Variants in XIRP2 observed in about 807,000 individuals in gnomAD.
XIRP2 encodes the protein xin actin binding repeat containing 2.
Under a neutral mutation model 277.0 loss-of-function variants are expected in XIRP2, and 236 were observed. That is an observed-to-expected ratio of 0.85 (90% CI 0.77 to 0.95). The LOEUF (loss-of-function observed/expected upper bound fraction) is 0.95, where lower values mean the gene tolerates loss of function less well. Among genes scored for constraint, XIRP2 ranks in the 40% least tolerant of loss-of-function variants. The pLI, the probability that XIRP2 is intolerant of heterozygous loss-of-function variation, is 0.00. For missense variants in XIRP2, 4,640 were observed against 4,157.5 expected, an observed-to-expected ratio of 1.12 and a Z score of -3.19; for synonymous variants, 1,490 against 1,416.5, an observed-to-expected ratio of 1.05 and a Z score of -1.17.
chr2:167,228,714 A>G (rs1694677051), intron 5 of XIRP2, among the ~76,000 whole-genome samples: 1 of 152,122 alleles, frequency 6.6e-6, no homozygotes. Flanking sequence ...GCACAGATCC[A>G]ATTGCTTTGA....
At chr2:167,209,534 A>T (rs576288127) in intron 3 of XIRP2, among the ~76,000 whole-genome samples, 15 of 152,246 alleles carry the variant, frequency 9.9e-5, no homozygotes, top group South Asian at 2.1e-4. Context: ...AGAAAGTACT[A>T]CAAAGAGCCC....
chr2:167,082,516 G>A (rs1406436040), intron 2 of XIRP2, among the ~76,000 whole-genome samples: 3 of 152,036 alleles, frequency 2.0e-5, no homozygotes, highest in Non-Finnish European at 2.9e-5. Context: ...CTGAGGAATC[G>A]CCACACTGAC....
At chr2:167,115,109 G>T (rs1014583025) in intron 2 of XIRP2, among the ~76,000 whole-genome samples, 4 of 152,154 alleles carry the variant, frequency 2.6e-5, no homozygotes, top group Non-Finnish European at 5.9e-5. Context: ...AGCACCTGTT[G>T]TTTCCTGACT....
At chr2:167,253,858 C>T (rs1003617486) in intron 9 of XIRP2, among the ~76,000 whole-genome samples, 174 bp from the exon 10 acceptor site, 1 of 151,580 alleles carries the variant, frequency 6.6e-6, no homozygotes, top group Non-Finnish European at 1.5e-5. Context: ...CCTAGCAGAC[C>T]GTTAAACCTG....
At chr2:167,002,693 T>A (rs1687403928) in intron 2 of XIRP2, among the ~76,000 whole-genome samples, 1 of 151,978 alleles carries the variant, frequency 6.6e-6, no homozygotes, top group Admixed American at 6.6e-5. Context: ...CTTATAGAAG[T>A]TAAATTCTTT....
Position 167,258,833 on chromosome 2 carries a change from G to A in XIRP2, c.*1016G>A. On this transcript the variant is annotated 3_prime_UTR_variant, in exon 11 of 11. Transcript: ENST00000409195. ...TACATCTAGAATCTCAGAGTTACTT[G>A]GTATATTTGAATCTGAAAAGACTTA... is the stretch of plus-strand genomic sequence containing the variant. 6.2e-7 allele frequency: 1 copy of A among 1,612,970 alleles called. No individual in the cohort carries two copies.
intron 5 of XIRP2, among the ~76,000 whole-genome samples, chr2:167,223,987 A>G (rs545671085): frequency 6.6e-6 from 1 of 152,280 alleles, no homozygotes; most frequent in African/African-American, 2.4e-5. Flanking sequence ...TTGTTATAAA[A>G]AAGAAATTTG....
chr2:166,900,794 T>C (rs992117780), intron 1 of XIRP2, among the ~76,000 whole-genome samples: 3 of 152,018 alleles, frequency 2.0e-5, no homozygotes, highest in Non-Finnish European at 2.9e-5. Context: ...CAGTGGATGA[T>C]GAAGAAAGTT....
intron 2 of XIRP2, among the ~76,000 whole-genome samples, chr2:167,033,315 G>A (rs1001516646): frequency 1.3e-5 from 2 of 152,076 alleles, no homozygotes; most frequent in African/African-American, 2.4e-5. Context: ...GGGAAGGGTA[G>A]CATTAGGAGA....
intron 2 of XIRP2, among the ~76,000 whole-genome samples, chr2:166,975,721 C>G (rs1445098343): frequency 6.6e-6 from 1 of 151,754 alleles, no homozygotes; most frequent in Admixed American, 6.6e-5. Flanking sequence ...GTCAGGAGAT[C>G]GAGACCATCC....
At chr2:167,241,683 T>C in intron 7 of XIRP2, 94 bp from the exon 8 acceptor site, 1 of 1,406,236 alleles carries the variant, frequency 7.1e-7, no homozygotes. Context: ...GTATTGGGAT[T>C]ACAGGAATGA....
At position 166,970,968 on chromosome 2, in the gene XIRP2, T is replaced by C. The variant is rs551611062; in HGVS notation, c.408+67078T>C. Among the ~76,000 whole-genome samples, 7 of 151,998 alleles carry C rather than the reference T, an allele frequency of 4.6e-5. No individual in the cohort carries two copies. The East Asian group carries it at 7.8e-4, about 17-fold the overall frequency. ...TATATGGCTAGGTATTATCTTGATT[T>C]TTAGAAGGAAGATCAATAGTTTAAT... On this transcript the variant is annotated intron_variant, in intron 2 of 10. Transcript: ENST00000409195.
intron 3 of XIRP2, among the ~76,000 whole-genome samples, chr2:167,179,319 T>A (rs1033829221): frequency 6.7e-6 from 1 of 149,256 alleles, no homozygotes; most frequent in Non-Finnish European, 1.5e-5. Flanking sequence ...TTTCTTTTTT[T>A]CTTGTTTTTT....
At chr2:166,985,719 G>A (rs910794791) in intron 2 of XIRP2, among the ~76,000 whole-genome samples, 2 of 151,972 alleles carry the variant, frequency 1.3e-5, no homozygotes, top group Admixed American at 6.5e-5. Context: ...ATGAGCCACC[G>A]CGCCCGGCCT....
At chr2:167,074,711 C>T (rs531379706) in intron 2 of XIRP2, among the ~76,000 whole-genome samples, 1 of 152,032 alleles carries the variant, frequency 6.6e-6, no homozygotes, top group East Asian at 1.9e-4. Flanking sequence ...AGAATCCCGG[C>T]TCACTGCAAC....
intron 3 of XIRP2, among the ~76,000 whole-genome samples, chr2:167,152,185 T>C (rs1692036098): frequency 6.6e-6 from 1 of 152,076 alleles, no homozygotes; most frequent in Non-Finnish European, 1.5e-5. Flanking sequence ...AAACAGCACA[T>C]GCAGCAAGTA....
At chr2:167,050,836 T>C (rs1483689614) in intron 2 of XIRP2, among the ~76,000 whole-genome samples, 1 of 151,748 alleles carries the variant, frequency 6.6e-6, no homozygotes, top group Non-Finnish European at 1.5e-5. Flanking sequence ...TAATTGCCCT[T>C]GCTGCAATGG....
chr2:167,216,756 C>G (rs982022314), intron 4 of XIRP2, among the ~76,000 whole-genome samples: 35 of 84,286 alleles, frequency 4.2e-4, no homozygotes, highest in Non-Finnish European at 6.4e-4. Context: ...CTAGAAATAC[C>G]ATTTGACCCA....
intron 2 of XIRP2, among the ~76,000 whole-genome samples, chr2:167,050,528 G>T (rs557223940): frequency 6.6e-6 from 1 of 151,972 alleles, no homozygotes; most frequent in East Asian, 1.9e-4. Flanking sequence ...GCATAGAACT[G>T]TTAGAATGGG....
Sources: allele counts gnomAD v4.1 joint callset (sites outside exome capture counted in the v4.1 genomes callset), GRCh38; gene constraint gnomAD v4.1.1; transcripts MANE v1.5; gene names NCBI Gene and HGNC (gene_info 2026-07-23, HGNC 2026-07-21).